The following PDS5B variants were observed in gnomAD, a reference collection of about 807,000 sequenced individuals.
PDS5B encodes the protein PDS5 cohesin associated factor B.
A neutral mutation model predicts 184.1 loss-of-function variants in PDS5B; 51 were observed. The observed-to-expected ratio is 0.28, with a 90% confidence interval of 0.22 to 0.35. PDS5B has a LOEUF of 0.35. Among genes scored for constraint, PDS5B ranks in the 10% least tolerant of loss-of-function variants. The probability of loss-of-function intolerance (pLI) is 1.00; values close to 1 mark genes in which losing one functional copy is unlikely to be tolerated. For missense variants in PDS5B, 1,180 were observed against 1,723.3 expected, an observed-to-expected ratio of 0.68 and a Z score of 5.58; for synonymous variants, 566 against 569.2, an observed-to-expected ratio of 0.99 and a Z score of 0.08.
chr13:32,718,725 T>C (rs1263688187), intron 19 of PDS5B, among the ~76,000 whole-genome samples: 2 of 152,152 alleles, frequency 1.3e-5, no homozygotes, highest in Non-Finnish European at 2.9e-5. Flanking sequence ...TCCAGGAGAA[T>C]CAACCGAAAA....
intron 13 of PDS5B, chr13:32,689,079 T>G (rs1446462983): frequency 6.3e-6 from 1 of 157,888 alleles, no homozygotes; most frequent in Non-Finnish European, 1.4e-5. Context: ...TTTGGGTGTT[T>G]AGGTAAGGTG....
At chr13:32,640,652 G>T (rs1481100971) in intron 1 of PDS5B, among the ~76,000 whole-genome samples, 15 of 152,088 alleles carry the variant, frequency 9.9e-5, no homozygotes, top group Admixed American at 9.8e-4. Flanking sequence ...TTCTGAAAAT[G>T]CTTGTTTCAA....
intron 7 of PDS5B, among the ~76,000 whole-genome samples, chr13:32,669,940 C>T (rs964585515): frequency 6.6e-5 from 10 of 152,052 alleles, no homozygotes; most frequent in African/African-American, 2.4e-4. Context: ...ACTTAATCGT[C>T]TTGTAGTAGG....
chr13:32,749,018 T>C (rs534890907), intron 24 of PDS5B, among the ~76,000 whole-genome samples: 1 of 152,312 alleles, frequency 6.6e-6, no homozygotes, highest in East Asian at 1.9e-4. Flanking sequence ...TATGATCATG[T>C]CATTCCTCTG....
At chr13:32,654,543 T>A (rs992228459) in intron 3 of PDS5B, among the ~76,000 whole-genome samples, 1 of 152,072 alleles carries the variant, frequency 6.6e-6, no homozygotes, top group African/African-American at 2.4e-5. Flanking sequence ...TTTTAAAAAA[T>A]TGTGTTTTAG....
chr13:32,650,396 T>C (rs994149854), intron 2 of PDS5B: 1 of 152,214 alleles, frequency 6.6e-6, no homozygotes, highest in African/African-American at 2.4e-5. Flanking sequence ...GAAAAAATTA[T>C]GTAGGATGAT....
At chr13:32,729,107 C>G (rs1048897176) in intron 19 of PDS5B, among the ~76,000 whole-genome samples, 1 of 152,068 alleles carries the variant, frequency 6.6e-6, no homozygotes, top group African/African-American at 2.4e-5. Flanking sequence ...GCCCCCCACC[C>G]CACAACAGGC....
intron 13 of PDS5B, chr13:32,691,244 T>A (rs891675262): frequency 6.6e-6 from 1 of 152,062 alleles, no homozygotes; most frequent in Admixed American, 6.6e-5. Context: ...TTTTGAACTT[T>A]ATGAAAGAAA....
intron 1 of PDS5B, among the ~76,000 whole-genome samples, chr13:32,633,663 T>C (rs2058493618): frequency 6.6e-6 from 1 of 152,244 alleles, no homozygotes; most frequent in African/African-American, 2.4e-5. Context: ...GAGAAACTTA[T>C]CAAATTAAAC....
intron 29 of PDS5B, among the ~76,000 whole-genome samples, 188 bp from the exon 30 acceptor site, chr13:32,760,387 T>C (rs117348088): frequency 0.014 from 2,158 of 152,374 alleles, 16 homozygotes; most frequent in Non-Finnish European, 0.022. Flanking sequence ...TCAACTGTTA[T>C]GCTGTCTGTA....
intron 1 of PDS5B, among the ~76,000 whole-genome samples, chr13:32,595,594 C>A (rs1017243292): frequency 5.9e-5 from 9 of 152,154 alleles, no homozygotes; most frequent in Non-Finnish European, 1.3e-4. Context: ...GAAAGAACCA[C>A]CATGCATTCC....
intron 28 of PDS5B, among the ~76,000 whole-genome samples, chr13:32,759,365 G>A (rs1261840881): frequency 6.6e-6 from 1 of 152,124 alleles, no homozygotes; most frequent in Non-Finnish European, 1.5e-5. Flanking sequence ...TTCCCCTGAA[G>A]GGTGTTATTA....
rs148391883 is a variant in PDS5B, at chr13:32,671,907, G to C, written c.706-1309G>C. Among the ~76,000 whole-genome samples, 624 of 152,300 alleles carry C rather than the reference G, an allele frequency of 4.1e-3. 6 individuals carry two copies. Among genetic ancestry groups the C allele is most frequent in the African/African-American group, 0.014 (581 of 41,564 alleles). On this transcript the variant is annotated intron_variant, in intron 7 of 34. Transcript: ENST00000315596. ...CCATTGAGGATACATGGCAGGGTAT[G>C]CTTTTGGTTAATTTTTTATGTTTTT...
At chr13:32,755,744 T>C (rs1954151618) in intron 25 of PDS5B, 98 bp from the exon 26 acceptor site, 1 of 580,128 alleles carries the variant, frequency 1.7e-6, no homozygotes, top group Admixed American at 3.3e-5. Context: ...AGAAAGAGTA[T>C]GTAAGATTTG....
At chr13:32,661,884 T>G (rs75607704) in intron 6 of PDS5B, among the ~76,000 whole-genome samples, 7,364 of 152,238 alleles carry the variant, frequency 0.048, 494 homozygotes, top group African/African-American at 0.16. Context: ...AGTGGTTTAA[T>G]GGAATTAGTA....
At chr13:32,673,505 C>CT (rs1950988773) in intron 8 of PDS5B, 149 bp downstream of exon 8, 5 of 679,938 alleles carry the variant, frequency 7.4e-6, no homozygotes, top group Non-Finnish European at 7.1e-6. Context: ...TGTGCCGTGT[C>CT]TGTTTGTGAA....
intron 6 of PDS5B, among the ~76,000 whole-genome samples, chr13:32,663,081 A>G (rs572642152): frequency 1.3e-5 from 2 of 152,262 alleles, no homozygotes; most frequent in South Asian, 2.1e-4. Flanking sequence ...AACTCTGCCT[A>G]TAAAACAAAA....
chr13:32,684,639 CT>C (rs1253134372), intron 11 of PDS5B, among the ~76,000 whole-genome samples: 19 of 152,322 alleles, frequency 1.2e-4, no homozygotes, highest in African/African-American at 4.1e-4. Context: ...TCAGGAAATA[CT>C]TTAATGAATG....
intron 19 of PDS5B, among the ~76,000 whole-genome samples, chr13:32,729,268 A>G (rs1346086420): frequency 6.6e-6 from 1 of 152,224 alleles, no homozygotes; most frequent in Non-Finnish European, 1.5e-5. Flanking sequence ...CCTGCAAAGG[A>G]CATGAACTCA....
Sources: gnomAD v4.1 joint callset for allele counts (sites outside exome capture counted in the v4.1 genomes callset) on GRCh38, gnomAD v4.1.1 for gene constraint, MANE v1.5 for transcripts, NCBI Gene and HGNC (gene_info 2026-07-23, HGNC 2026-07-21) for gene names.